Variants in CPM observed in about 807,000 individuals in gnomAD.
CPM encodes renal carboxypeptidase.
Under a neutral mutation model 46.4 loss-of-function variants are expected in CPM, and 35 were observed. The observed-to-expected ratio is 0.75, with a 90% CI of 0.58 to 1.00. The LOEUF is 1.00. CPM is among the 50% of genes least tolerant of loss of function. CPM has a pLI of 0.00. For synonymous variants in CPM, 195 were observed against 195.3 expected, an observed-to-expected ratio of 1.00 and a Z score of 0.01; for missense variants, 422 against 530.4, an observed-to-expected ratio of 0.80 and a Z score of 2.01.
At chr12:68,956,452 C>T (rs186009816) in intron 1 of CPM, among the ~76,000 whole-genome samples, 23 of 152,352 alleles carry the variant, frequency 1.5e-4, no homozygotes, top group Admixed American at 1.2e-3. Context: ...GCCCCAGCCA[C>T]GCCTCCCCCA....
Position 68,944,965 on chromosome 12 carries a change from T to C in CPM, c.-3-12125A>G, listed in dbSNP as rs1230214682. ...ACAGGACCAGTTGAGTCATGAGTCATGAGTCCAGGTAGGATCAGTTGATGG... is the reference window on the plus strand; with the variant it reads ...ACAGGACCAGTTGAGTCATGAGTCACGAGTCCAGGTAGGATCAGTTGATGG... On this transcript the variant is annotated intron_variant, in intron 1 of 8. Transcript: ENST00000546373. 3.3e-5 allele frequency among the ~76,000 whole-genome samples: 5 copies of C among 152,088 alleles called. No individual in the cohort carries two copies. The East Asian group carries it at 9.6e-4, about 29-fold the overall frequency.
chr12:68,901,839 C>G (rs1159358078), intron 2 of CPM, among the ~76,000 whole-genome samples: 1 of 151,342 alleles, frequency 6.6e-6, no homozygotes, highest in Non-Finnish European at 1.5e-5. Context: ...TAGAACAGAG[C>G]AAGTAGCAGA....
chr12:68,951,066 G>A (rs1260201164), intron 1 of CPM, among the ~76,000 whole-genome samples: 1 of 152,130 alleles, frequency 6.6e-6, no homozygotes, highest in African/African-American at 2.4e-5. Flanking sequence ...ATTGAATTTT[G>A]GAACATGGAA....
At chr12:68,931,247 T>C (rs1467865870) in intron 2 of CPM, among the ~76,000 whole-genome samples, 1 of 152,204 alleles carries the variant, frequency 6.6e-6, no homozygotes, top group Non-Finnish European at 1.5e-5. Flanking sequence ...GCCTTGATTT[T>C]TTTGAAAAAT....
At chr12:68,920,746 A>G (rs1047207354) in intron 2 of CPM, among the ~76,000 whole-genome samples, 6 of 144,918 alleles carry the variant, frequency 4.1e-5, no homozygotes, top group South Asian at 4.3e-4. Context: ...GCTGGAGTAC[A>G]GTGGCACAGT....
chr12:68,884,453 C>T (rs964957803), intron 3 of CPM, among the ~76,000 whole-genome samples: 16 of 152,026 alleles, frequency 1.1e-4, no homozygotes, highest in African/African-American at 1.4e-4. Context: ...CAAGGGCAGG[C>T]GGAGTGTACC....
chr12:68,886,650 A>G (rs1236369081), intron 2 of CPM, among the ~76,000 whole-genome samples: 1 of 152,160 alleles, frequency 6.6e-6, no homozygotes, highest in Non-Finnish European at 1.5e-5. Context: ...ATAAATAAAT[A>G]AATAAAATTT....
At chr12:68,879,200 T>A (rs560805231) in intron 3 of CPM, among the ~76,000 whole-genome samples, 10 of 152,198 alleles carry the variant, frequency 6.6e-5, no homozygotes, top group African/African-American at 2.4e-4. Context: ...AAATAAAAAA[T>A]AATTGCAATT....
At chr12:68,922,222 G>A (rs77651107) in intron 2 of CPM, among the ~76,000 whole-genome samples, 2,558 of 152,202 alleles carry the variant, frequency 0.017, 71 homozygotes, top group African/African-American at 0.059. Flanking sequence ...ACATTTATTC[G>A]TGCTCTAAAA....
intron 2 of CPM, among the ~76,000 whole-genome samples, chr12:68,931,760 A>G (rs1172405879): frequency 6.7e-6 from 1 of 148,928 alleles, no homozygotes; most frequent in Non-Finnish European, 1.5e-5. Flanking sequence ...AAAAAAAAAA[A>G]AAAAAAGAAA....
chr12:68,935,248 TTGTTTG>T (rs1888655235), upstream of CPM, among the ~76,000 whole-genome samples: 1 of 21,386 alleles, frequency 4.7e-5, no homozygotes, highest in South Asian at 2.3e-3. Flanking sequence ...GTTTTATTGT[TTGTTTG>T]TTTGTTTGTT....
In CPM at chr12:68,914,096, A is replaced by G. The variant is rs75728700; in HGVS notation, c.160+18582T>C. 5.1e-4 allele frequency: 295 copies of G among 573,502 alleles called. 2 individuals are homozygous for G. The East Asian group carries it at 5.6e-3, about 11-fold the overall frequency. 35.5% of individuals were successfully genotyped at this position (573,502 alleles called of 1,614,324 possible). ...TTGGAATCTGGGTAATTACAAACAG[A>G]AAATTATAGTCAGTATACTATGGCC... On this transcript the variant is annotated intron_variant, in intron 2 of 8. Coordinates refer to ENST00000551568, the MANE Select transcript of CPM (RefSeq NM_198320.5).
At chr12:68,928,999 C>G (rs906563441) in intron 2 of CPM, among the ~76,000 whole-genome samples, 1 of 151,606 alleles carries the variant, frequency 6.6e-6, no homozygotes, top group African/African-American at 2.4e-5. Flanking sequence ...TGAGCCACCA[C>G]ACCCAGTCAA....
intron 2 of CPM, among the ~76,000 whole-genome samples, chr12:68,912,228 C>A (rs944889518): frequency 6.6e-6 from 1 of 152,178 alleles, no homozygotes; most frequent in East Asian, 1.9e-4. Flanking sequence ...GCTGGTCGAA[C>A]TCCTGACCTC....
At chr12:68,962,002 C>T (rs1049227155) in intron 1 of CPM, among the ~76,000 whole-genome samples, 3 of 152,126 alleles carry the variant, frequency 2.0e-5, no homozygotes, top group East Asian at 1.9e-4. Context: ...AGGTCGAGAC[C>T]ATCCTGGCTA....
At chr12:68,896,805 A>G (rs1376194810) in intron 2 of CPM, among the ~76,000 whole-genome samples, 2 of 152,146 alleles carry the variant, frequency 1.3e-5, no homozygotes, top group Non-Finnish European at 2.9e-5. Context: ...TTGATATTAT[A>G]CCCAAGAAAT....
intron 2 of CPM, among the ~76,000 whole-genome samples, chr12:68,925,628 CAG>C (rs766785182): frequency 1.1e-4 from 17 of 152,292 alleles, no homozygotes; most frequent in East Asian, 3.9e-4. Context: ...ATATTTGACT[CAG>C]GGGGGTAAAA....
downstream of CPM, chr12:68,849,810 GC>G (rs1884579775): frequency 6.6e-6 from 1 of 150,472 alleles, no homozygotes; most frequent in Non-Finnish European, 1.5e-5. Context: ...ATGGGGTTTT[GC>G]TATGTTAGCC....
chr12:68,857,906 A>T (rs1565764455), intron 8 of CPM, among the ~76,000 whole-genome samples: 1 of 152,202 alleles, frequency 6.6e-6, no homozygotes, highest in African/African-American at 2.4e-5. Flanking sequence ...GAGGAAAATA[A>T]AGGGCCTTTT....
Sources: allele counts gnomAD v4.1 joint callset (sites outside exome capture counted in the v4.1 genomes callset), GRCh38; gene constraint gnomAD v4.1.1; transcripts MANE v1.5; gene names NCBI Gene and HGNC (gene_info 2026-07-23, HGNC 2026-07-21).